The following SLC24A4 variants were observed in gnomAD, a reference collection of about 807,000 sequenced individuals.
SLC24A4 encodes sodium/potassium/calcium exchanger 4.
SLC24A4 carries 53 observed loss-of-function variants against 79.0 expected under a neutral mutation model. The ratio of observed to expected loss-of-function variants is 0.67; its 90% CI spans 0.54 to 0.84. SLC24A4 has a LOEUF of 0.84. Among genes scored for constraint, SLC24A4 ranks in the 40% least tolerant of loss-of-function variants. SLC24A4 has a pLI of 0.00. For missense variants in SLC24A4, 731 were observed against 822.0 expected, an observed-to-expected ratio of 0.89 and a Z score of 1.35; for synonymous variants, 323 against 323.8, an observed-to-expected ratio of 1.00 and a Z score of 0.03.
At chr14:92,416,633 A>G (rs1890998705) in intron 2 of SLC24A4, among the ~76,000 whole-genome samples, 2 of 152,292 alleles carry the variant, frequency 1.3e-5, no homozygotes, top group Non-Finnish European at 1.5e-5. Context: ...CTCAGCTGCT[A>G]TTTTGTTCTG....
At chr14:92,372,940 TCTC>T (rs1212234096) in intron 2 of SLC24A4, among the ~76,000 whole-genome samples, 93 of 141,490 alleles carry the variant, frequency 6.6e-4, no homozygotes, top group African/African-American at 2.3e-3. Context: ...TCTTTCTTTT[TCTC>T]TCTCTCTCTC....
chr14:92,364,687 A>T (rs1887724632), intron 2 of SLC24A4, among the ~76,000 whole-genome samples: 1 of 152,094 alleles, frequency 6.6e-6, no homozygotes, highest in Non-Finnish European at 1.5e-5. Context: ...TCATCTGTGC[A>T]TGGCTGGCCC....
intron 2 of SLC24A4, among the ~76,000 whole-genome samples, chr14:92,335,512 G>A (rs1214348964): frequency 1.5e-5 from 2 of 136,668 alleles, no homozygotes; most frequent in Non-Finnish European, 3.1e-5. Flanking sequence ...GTGCCACCAC[G>A]CCCAGCTAAT....
chr14:92,361,031 G>A (rs567885139), intron 2 of SLC24A4, among the ~76,000 whole-genome samples: 1 of 152,228 alleles, frequency 6.6e-6, no homozygotes, highest in East Asian at 1.9e-4. Flanking sequence ...AAAAGGAGAG[G>A]GTGTTGCCAT....
chr14:92,333,332 C>T lies in SLC24A4; in HGVS notation c.241+7354C>T, dbSNP rs139689743. Among the ~76,000 whole-genome samples, 968 of 152,182 alleles carry T rather than the reference C, an allele frequency of 6.4e-3. 7 individuals are homozygous for T. The highest frequency in any genetic ancestry group is 7.7e-3 in the Non-Finnish European group (524 of 68,006). On this transcript the variant is annotated intron_variant, in intron 2 of 16. Coordinates refer to ENST00000532405, the MANE Select transcript of SLC24A4 (RefSeq NM_153646.4). ...CTGGTCTCGAACTCCTGGCCTCAAG[C>T]GATCCACCTGCCTCTGCCTCCCAAA...
At chr14:92,322,958 A>G (rs536098926), upstream of SLC24A4, among the ~76,000 whole-genome samples, 20 of 152,264 alleles carry the variant, frequency 1.3e-4, no homozygotes, top group South Asian at 4.1e-3. Context: ...GGCTCGTTGC[A>G]GCTCCATATG....
chr14:92,471,717 A>C (rs1044915546), intron 12 of SLC24A4, among the ~76,000 whole-genome samples: 2 of 152,158 alleles, frequency 1.3e-5, no homozygotes, highest in African/African-American at 4.8e-5. Flanking sequence ...TCTCATACCC[A>C]CCCAGACGTC....
In SLC24A4 at chr14:92,341,384, C is replaced by T. The variant is rs576725392; in HGVS notation, c.241+15406C>T. On this transcript the variant is annotated intron_variant, in intron 2 of 16. Coordinates refer to ENST00000532405, the MANE Select transcript of SLC24A4 (RefSeq NM_153646.4). ...ACATGAGGGTCACTGCCCCGAAAGG[C>T]CTTCAGCCTGGAGAAGCCCGGTGCC... Among the ~76,000 whole-genome samples the T allele has an allele frequency of 2.6e-5, 4 of 152,336 alleles. No individual in the cohort carries two copies. The South Asian group carries it at 8.3e-4, about 32-fold the overall frequency.
At chr14:92,468,362 T>C in intron 12 of SLC24A4, among the ~76,000 whole-genome samples, 1 of 152,304 alleles carries the variant, frequency 6.6e-6, no homozygotes, top group Middle Eastern at 3.4e-3. Flanking sequence ...TTTAATGCAA[T>C]CCTTATCAAA....
At chr14:92,395,712 A>G (rs896175343) in intron 2 of SLC24A4, among the ~76,000 whole-genome samples, 2 of 152,170 alleles carry the variant, frequency 1.3e-5, no homozygotes, top group Non-Finnish European at 2.9e-5. Flanking sequence ...TTCCAACCGC[A>G]CATGTGCCCA....
At chr14:92,419,319 G>T (rs1309366524) in intron 2 of SLC24A4, among the ~76,000 whole-genome samples, 1 of 152,166 alleles carries the variant, frequency 6.6e-6, no homozygotes, top group Admixed American at 6.5e-5. Context: ...GTGGCAAGCA[G>T]CAACCACTCA....
At chr14:92,415,065 G>C (rs964181793) in intron 2 of SLC24A4, among the ~76,000 whole-genome samples, 3 of 152,190 alleles carry the variant, frequency 2.0e-5, no homozygotes, top group Non-Finnish European at 4.4e-5. Context: ...GTTGAAAGGC[G>C]ACGGTTCACC....
At position 92,456,330 on chromosome 14, in the gene SLC24A4, G is replaced by C. The variant is rs1893457897; in HGVS notation, c.1051-74G>C. Reference sequence around the variant, plus strand: ...ACCTGTAAGAGCAGGGTGCGTGTGAGGGACCCAGCGTATAGCAATAGCATG... The same window carrying C: ...ACCTGTAAGAGCAGGGTGCGTGTGACGGACCCAGCGTATAGCAATAGCATG... On this transcript the variant is annotated intron_variant, in intron 11 of 16. Coordinates refer to ENST00000532405, the MANE Select transcript of SLC24A4 (RefSeq NM_153646.4). The C allele has an allele frequency of 4.6e-6, 7 of 1,508,688 alleles. No individual in the cohort carries two copies. In the South Asian group the frequency reaches 6.9e-5, roughly 15 times the overall value. 93.5% of individuals were successfully genotyped at this position (1,508,688 alleles called of 1,614,324 possible). A position where few individuals can be genotyped will look rare whatever the true frequency, so the allele number is the denominator to read the frequency against.
At chr14:92,411,210 A>G (rs1487589666) in intron 2 of SLC24A4, among the ~76,000 whole-genome samples, 5 of 152,156 alleles carry the variant, frequency 3.3e-5, no homozygotes, top group African/African-American at 7.2e-5. Flanking sequence ...GCCGCCCATT[A>G]ATCAGCATCT....
intron 2 of SLC24A4, among the ~76,000 whole-genome samples, chr14:92,336,284 A>G (rs1885798649): frequency 6.6e-6 from 1 of 152,246 alleles, no homozygotes; most frequent in East Asian, 1.9e-4. Context: ...TTAAAATTTA[A>G]CATTGTCCAT....
At chr14:92,474,523 T>G (rs142697740) in intron 12 of SLC24A4, among the ~76,000 whole-genome samples, 2,315 of 152,000 alleles carry the variant, frequency 0.015, 77 homozygotes, top group African/African-American at 0.054. Context: ...CTTGCTTTAT[T>G]GCCCAGGCTG....
chr14:92,420,447 C>A (rs1891214653), intron 2 of SLC24A4, among the ~76,000 whole-genome samples: 1 of 152,038 alleles, frequency 6.6e-6, no homozygotes, highest in South Asian at 2.1e-4. Flanking sequence ...CCACTGCACT[C>A]CAGCCTGGCG....
At chr14:92,404,361 A>G (rs2141771387) in intron 2 of SLC24A4, among the ~76,000 whole-genome samples, 1 of 152,340 alleles carries the variant, frequency 6.6e-6, no homozygotes, top group South Asian at 2.1e-4. Flanking sequence ...GACCTTTTAT[A>G]GTGCAAATAG....
rs1895919224 is a variant in SLC24A4, at chr14:92,496,323, A to G, written c.*2695A>G. The G allele has an allele frequency of 1.3e-5, 2 of 152,568 alleles. No individual in the cohort carries two copies. Among genetic ancestry groups the G allele is most frequent in the African/African-American group, 2.4e-5 (1 of 41,462 alleles). The allele number at this position is 152,568 out of a possible 1,614,324, so 9.5% of individuals were successfully genotyped here. A position where few individuals can be genotyped will look rare whatever the true frequency, so the allele number is the denominator to read the frequency against. On this transcript the variant is annotated 3_prime_UTR_variant, in exon 17 of 17. Coordinates refer to ENST00000532405, the MANE Select transcript of SLC24A4 (RefSeq NM_153646.4). ...TTCCATCACAAATTTAAAGAATTGC[A>G]TGATTAATTAGGCTTTCATTTTTAA...
Sources: gnomAD v4.1 joint callset for allele counts (sites outside exome capture counted in the v4.1 genomes callset) on GRCh38, gnomAD v4.1.1 for gene constraint, MANE v1.5 for transcripts, NCBI Gene and HGNC (gene_info 2026-07-23, HGNC 2026-07-21) for gene names.